MBP: variants seen among roughly 807,000 people sequenced by gnomAD.
MBP encodes myelin basic protein.
Under a neutral mutation model 35.8 loss-of-function variants are expected in MBP, and 16 were observed. That is an observed-to-expected ratio of 0.45 (90% CI 0.30 to 0.68). The LOEUF is 0.68. MBP is among the 30% of genes least tolerant of loss of function. The pLI is 0.08. For missense variants in MBP, 380 were observed against 404.7 expected (o/e 0.94, Z 0.52); for synonymous variants, 143 against 159.6 (o/e 0.90, Z 0.78).
intron 3 of MBP, among the ~76,000 whole-genome samples, chr18:77,030,058 A>G (rs1233588053): frequency 1.3e-5 from 2 of 152,134 alleles, no homozygotes; most frequent in Non-Finnish European, 2.9e-5. Flanking sequence ...ACGATTGCCT[A>G]AGGAAATTTT....
Position 76,997,258 on chromosome 18 carries a change from G to A in MBP, c.577-7198C>T, listed in dbSNP as rs563930336. ...CAAGGTGGAGCTCAGCAAATAGAAA[G>A]TGACCAGAGGAACAAAAGCCTTCCA... On this transcript the variant is annotated intron_variant, in intron 4 of 8. Coordinates refer to ENST00000355994, the MANE Select transcript of MBP (RefSeq NM_001025101.2). Among the ~76,000 whole-genome samples, 3 of 152,324 alleles carry A rather than the reference G, an allele frequency of 2.0e-5. No individual in the cohort carries two copies. The South Asian group carries it at 6.2e-4, about 32-fold the overall frequency.
At chr18:76,981,989 G>A (rs1304920128) in intron 8 of MBP, 1 of 152,212 alleles carries the variant, frequency 6.6e-6, no homozygotes, top group African/African-American at 2.4e-5. Flanking sequence ...AACCTACCGA[G>A]GTACAATCTT....
intron 3 of MBP, among the ~76,000 whole-genome samples, chr18:77,021,712 T>C (rs1909950008): frequency 6.6e-6 from 1 of 152,284 alleles, no homozygotes; most frequent in South Asian, 2.1e-4. Context: ...CTCGAACTCC[T>C]GACCTCGTGA....
At position 77,028,632 on chromosome 18, in the gene MBP, C is replaced by T. The variant is rs1427643404; in HGVS notation, c.140-11364G>A. On this transcript the variant is annotated intron_variant, in intron 3 of 8. Transcript: ENST00000355994. ...GCCGGGCGGGGGGCTGACCCCCCCC[C>T]ACCTCCCTCCCGGACGGGGCAGCTG... Among the ~76,000 whole-genome samples the T allele has an allele frequency of 2.6e-5, 2 of 75,956 alleles. 1 individual carries two copies. Among genetic ancestry groups the T allele is most frequent in the Non-Finnish European group, 6.8e-5 (2 of 29,486 alleles). The allele number at this position is 75,956 out of a possible 152,430, so 49.8% of individuals were successfully genotyped here.
chr18:77,069,536 C>G (rs59218442), intron 2 of MBP, among the ~76,000 whole-genome samples: 2 of 152,142 alleles, frequency 1.3e-5, no homozygotes, highest in African/African-American at 4.8e-5. Context: ...CAGTAGTGTC[C>G]TCCCATTGGC....
intron 1 of MBP, among the ~76,000 whole-genome samples, chr18:77,120,301 G>GGCACGGCCAGGTGACCTCAGACGC (rs1976850352): frequency 6.6e-6 from 1 of 152,248 alleles, no homozygotes; most frequent in South Asian, 2.1e-4. Context: ...AGCTGTGACC[G>GGCACGGCCAGGTGACCTCAGACGC]GCACGGCCAG....
intron 2 of MBP, among the ~76,000 whole-genome samples, chr18:77,069,826 C>T (rs186608331): frequency 1.3e-5 from 2 of 152,166 alleles, no homozygotes; most frequent in African/African-American, 4.8e-5. Context: ...TCCCTCACAC[C>T]AAAGCGGCCA....
intron 3 of MBP, among the ~76,000 whole-genome samples, chr18:77,045,161 T>C (rs1451276160): frequency 6.6e-6 from 1 of 152,126 alleles, no homozygotes; most frequent in African/African-American, 2.4e-5. Context: ...TGGAGAAAAC[T>C]GGTGACAAGT....
chr18:76,986,427 C>A (rs1969562093), intron 7 of MBP: 4 of 985,422 alleles, frequency 4.1e-6, no homozygotes, highest in Non-Finnish European at 3.6e-6. Flanking sequence ...GCTTCCAGAG[C>A]ACCTGGCTGC....
intron 4 of MBP, among the ~76,000 whole-genome samples, chr18:76,994,066 T>A (rs933589424): frequency 6.6e-6 from 1 of 152,242 alleles, no homozygotes; most frequent in East Asian, 1.9e-4. Context: ...TAACCAGCCT[T>A]GTACGTTCTT....
At chr18:77,106,816 G>A (rs936976266) in intron 1 of MBP, among the ~76,000 whole-genome samples, 2 of 152,144 alleles carry the variant, frequency 1.3e-5, no homozygotes, top group East Asian at 1.9e-4. Context: ...GGATGATTTC[G>A]GTGTCCAGTG....
At chr18:77,123,863 G>T (rs941719752) in intron 1 of MBP, among the ~76,000 whole-genome samples, 2 of 152,206 alleles carry the variant, frequency 1.3e-5, no homozygotes, top group African/African-American at 4.8e-5. Context: ...TGGAGCTTTA[G>T]GTTTCTTAAT....
intron 4 of MBP, chr18:77,015,663 G>C: frequency 1.0e-6 from 1 of 985,400 alleles, no homozygotes; most frequent in Non-Finnish European, 1.2e-6. Context: ...CTGAAACTTC[G>C]ATGTGCTTTC....
chr18:77,050,805 C>G (rs1973458222), intron 3 of MBP, among the ~76,000 whole-genome samples: 1 of 152,220 alleles, frequency 6.6e-6, no homozygotes, highest in Non-Finnish European at 1.5e-5. Context: ...CTCGGACTCC[C>G]AAAGTGCTGG....
rs148417868 is a variant in MBP, at chr18:77,109,498, G to A, written c.-25-4212C>T. The A allele has an allele frequency of 2.3e-3, 345 of 152,350 alleles. 3 individuals are homozygous for A. Among genetic ancestry groups the A allele is most frequent in the African/African-American group, 7.6e-3 (316 of 41,572 alleles). 9.4% of individuals were successfully genotyped at this position (152,350 alleles called of 1,614,324 possible). A position where few individuals can be genotyped will look rare whatever the true frequency, so the allele number is the denominator to read the frequency against. The stretch of plus-strand genomic sequence containing the variant: ...CAGACAAGTATTCAAATATTAAAAT[G>A]TGAAACTGGCTGTTTTTGAAATAAT... On this transcript the variant is annotated intron_variant, in intron 1 of 8. Coordinates refer to ENST00000355994, the MANE Select transcript of MBP (RefSeq NM_001025101.2).
intron 3 of MBP, among the ~76,000 whole-genome samples, chr18:77,059,975 C>T (rs1022910168): frequency 3.9e-5 from 6 of 152,200 alleles, no homozygotes; most frequent in African/African-American, 1.4e-4. Context: ...GGCCCTAGCC[C>T]TCCAGGCAAG....
intron 7 of MBP, chr18:76,986,035 G>C (rs1969539846): frequency 1.0e-6 from 1 of 985,534 alleles, no homozygotes; most frequent in African/African-American, 1.7e-5. Context: ...TGCAAACATG[G>C]GGAGGAAGGG....
intron 3 of MBP, among the ~76,000 whole-genome samples, chr18:77,023,986 T>C (rs973406376): frequency 6.6e-6 from 1 of 152,236 alleles, no homozygotes; most frequent in Non-Finnish European, 1.5e-5. Context: ...CGTTTGCTAA[T>C]AGAAGATGCT....
intron 4 of MBP, chr18:77,009,759 C>T: frequency 8.4e-7 from 1 of 1,189,752 alleles, no homozygotes; most frequent in Non-Finnish European, 1.2e-6. Context: ...CTGGCAGTGA[C>T]ACTACCTGCC....
Sources: gnomAD v4.1 joint callset for allele counts (sites outside exome capture counted in the v4.1 genomes callset) on GRCh38, gnomAD v4.1.1 for gene constraint, MANE v1.5 for transcripts, NCBI Gene and HGNC (gene_info 2026-07-23, HGNC 2026-07-21) for gene names.